Variants in DENND1A observed in about 807,000 individuals in gnomAD.
The protein encoded by DENND1A is DENN domain-containing protein 1A.
DENND1A carries 51 observed loss-of-function variants against 113.7 expected under a neutral mutation model. The observed-to-expected ratio is 0.45, with a 90% CI of 0.36 to 0.57. DENND1A has a LOEUF of 0.57. DENND1A is among the 20% of genes least tolerant of loss of function. DENND1A has a pLI of 0.00. For missense variants in DENND1A, 1,258 were observed against 1,395.9 expected, an observed-to-expected ratio of 0.90 and a Z score of 1.57; for synonymous variants, 565 against 570.8, an observed-to-expected ratio of 0.99 and a Z score of 0.14.
intron 9 of DENND1A, among the ~76,000 whole-genome samples, chr9:123,649,286 G>A (rs185642199): frequency 2.0e-5 from 3 of 152,224 alleles, no homozygotes; most frequent in African/African-American, 7.2e-5. Flanking sequence ...CATTTAATAT[G>A]TCAATATGTA....
At chr9:123,571,344 GCA>G (rs1358050501) in intron 12 of DENND1A, among the ~76,000 whole-genome samples, 3 of 152,194 alleles carry the variant, frequency 2.0e-5, no homozygotes, top group African/African-American at 4.8e-5. Flanking sequence ...CACTTAAAAA[GCA>G]CAGTCCAGTG....
intron 1 of DENND1A, among the ~76,000 whole-genome samples, chr9:123,906,117 T>C (rs1254426074): frequency 1.3e-5 from 2 of 151,880 alleles, no homozygotes; most frequent in African/African-American, 2.4e-5. Flanking sequence ...ACTGGATACA[T>C]AACGCAATGA....
At chr9:123,511,395 G>A (rs2053450684) in intron 13 of DENND1A, among the ~76,000 whole-genome samples, 7 of 152,238 alleles carry the variant, frequency 4.6e-5, no homozygotes, top group Admixed American at 3.9e-4. Flanking sequence ...GGAAGCACCT[G>A]CTGCCACAGT....
chr9:123,516,766 C>A (rs1039978135), intron 13 of DENND1A, among the ~76,000 whole-genome samples: 1 of 151,564 alleles, frequency 6.6e-6, no homozygotes, highest in African/African-American at 2.4e-5. Flanking sequence ...TGCCTGTAAT[C>A]CTAGCTACTT....
At chr9:123,420,808 G>A (rs907716333) in intron 19 of DENND1A, among the ~76,000 whole-genome samples, 4 of 151,148 alleles carry the variant, frequency 2.6e-5, no homozygotes, top group Non-Finnish European at 5.9e-5. Flanking sequence ...CAGCTGTGAG[G>A]GAAGGCTGCG....
chr9:123,558,428 C>A (rs2057549260), intron 12 of DENND1A, among the ~76,000 whole-genome samples: 1 of 152,148 alleles, frequency 6.6e-6, no homozygotes, highest in African/African-American at 2.4e-5. Flanking sequence ...GAGGTTAAAA[C>A]AAAAAACTCG....
chr9:123,919,395 C>T (rs1819320786), intron 1 of DENND1A, among the ~76,000 whole-genome samples: 1 of 149,864 alleles, frequency 6.7e-6, no homozygotes, highest in Admixed American at 6.6e-5. Context: ...TCGCTTGAAC[C>T]CAGGAGGCAG....
intron 13 of DENND1A, among the ~76,000 whole-genome samples, chr9:123,475,344 G>A (rs1415305833): frequency 6.6e-6 from 1 of 152,176 alleles, no homozygotes; most frequent in Non-Finnish European, 1.5e-5. Context: ...AAGAAACAAC[G>A]AACATAAATA....
At chr9:123,635,642 CA>C (rs1564856582) in intron 9 of DENND1A, among the ~76,000 whole-genome samples, 2 of 152,174 alleles carry the variant, frequency 1.3e-5, no homozygotes, top group Non-Finnish European at 2.9e-5. Context: ...ATTTTTAAAA[CA>C]AACACAGATC....
At chr9:123,500,491 T>C (rs2052376739) in intron 13 of DENND1A, among the ~76,000 whole-genome samples, 1 of 152,216 alleles carries the variant, frequency 6.6e-6, no homozygotes, top group Admixed American at 6.5e-5. Flanking sequence ...CCCCCTTCAC[T>C]GTCTGGTCTA....
intron 2 of DENND1A, among the ~76,000 whole-genome samples, chr9:123,831,328 A>G (rs1414011262): frequency 6.6e-6 from 1 of 152,214 alleles, no homozygotes; most frequent in Non-Finnish European, 1.5e-5. Flanking sequence ...CATGTTCATT[A>G]TATAGTCTTC....
intron 2 of DENND1A, among the ~76,000 whole-genome samples, chr9:123,821,474 G>T (rs1394405801): frequency 1.3e-5 from 2 of 152,238 alleles, no homozygotes; most frequent in African/African-American, 2.4e-5. Context: ...ACAGAAACCA[G>T]TTGTAAGAAA....
intron 13 of DENND1A, among the ~76,000 whole-genome samples, chr9:123,486,426 T>A (rs2050870703): frequency 6.6e-6 from 1 of 152,068 alleles, no homozygotes; most frequent in Non-Finnish European, 1.5e-5. Context: ...GCCCCAGAGC[T>A]GCTAGCCCAG....
At chr9:123,657,487 A>G (rs2063017517) in intron 8 of DENND1A, among the ~76,000 whole-genome samples, 2 of 152,192 alleles carry the variant, frequency 1.3e-5, no homozygotes, top group Non-Finnish European at 2.9e-5. Flanking sequence ...TACCTTAGGG[A>G]AATGAGATAA....
At chr9:123,877,834 T>C (rs1470934469) in intron 2 of DENND1A, among the ~76,000 whole-genome samples, 1 of 149,994 alleles carries the variant, frequency 6.7e-6, no homozygotes, top group Non-Finnish European at 1.5e-5. Flanking sequence ...TGAAAATAAA[T>C]ACATAAAATA....
At chr9:123,604,980 C>T (rs1445805556) in intron 11 of DENND1A, among the ~76,000 whole-genome samples, 2 of 152,114 alleles carry the variant, frequency 1.3e-5, no homozygotes, top group Non-Finnish European at 2.9e-5. Flanking sequence ...CTGGATCCTC[C>T]CAGTGATCCC....
chr9:123,415,715 A>C, intron 19 of DENND1A, among the ~76,000 whole-genome samples: 1 of 151,882 alleles, frequency 6.6e-6, no homozygotes, highest in South Asian at 2.1e-4. Context: ...CTGTGTCCTC[A>C]TCTGTGAGGC....
intron 5 of DENND1A, among the ~76,000 whole-genome samples, chr9:123,736,201 A>AAT (rs1442376701): frequency 6.6e-6 from 1 of 152,224 alleles, no homozygotes; most frequent in Non-Finnish European, 1.5e-5. Flanking sequence ...TCAGTGTATG[A>AAT]GAACACATGA....
rs1011042120 is a variant in DENND1A, at chr9:123,930,022, G to C, written c.-117C>G. 4.4e-6 allele frequency: 1 copy of C among 229,180 alleles called. No individual in the cohort carries two copies. The highest frequency in any genetic ancestry group is 2.3e-5 in the African/African-American group (1 of 42,690). The allele number at this position is 229,180 out of a possible 1,614,324, so 14.2% of individuals were successfully genotyped here. A position where few individuals can be genotyped will look rare whatever the true frequency, so the allele number is the denominator to read the frequency against. On this transcript the variant is annotated 5_prime_UTR_variant, in exon 1 of 24. Transcript: ENST00000394215. Reference sequence around the variant, plus strand: ...CCCGCCCCTTCCTCCCTTCCCTCAGGCTGGGGCCCGCCCGCTCGAGGCTCG... The same window carrying C: ...CCCGCCCCTTCCTCCCTTCCCTCAGCCTGGGGCCCGCCCGCTCGAGGCTCG...
Sources: allele counts gnomAD v4.1 joint callset (sites outside exome capture counted in the v4.1 genomes callset), GRCh38; gene constraint gnomAD v4.1.1; transcripts MANE v1.5; gene names NCBI Gene and HGNC (gene_info 2026-07-23, HGNC 2026-07-21).